FOXD3: variants seen among roughly 807,000 people sequenced by gnomAD.
FOXD3 encodes the protein forkhead box protein D3.
FOXD3 carries 3 observed loss-of-function variants against 3.6 expected under a neutral mutation model. That is an observed-to-expected ratio of 0.84 (90% CI 0.38 to 2.18). FOXD3 has a LOEUF of 2.18. FOXD3 is among the 30% of genes most tolerant of loss of function. The pLI is 0.06. For missense variants in FOXD3, 686 were observed against 731.6 expected (o/e 0.94, Z 0.72); for synonymous variants, 391 against 360.9 (o/e 1.08, Z -0.94).
Position 63,322,622 on chromosome 1 carries a change from C to G in FOXD3, c.-437C>G. ...TTCGGCGTCCCTGACACCCAGCCCCCTGCCCCCCCGCTACTGTCCCTGCCC... is the reference window on the plus strand; with the variant it reads ...TTCGGCGTCCCTGACACCCAGCCCCGTGCCCCCCCGCTACTGTCCCTGCCC... On this transcript the variant is annotated 5_prime_UTR_variant, in exon 1 of 1. Transcript: ENST00000371116. 12 of 950,784 alleles carry G rather than the reference C, an allele frequency of 1.3e-5. No individual in the cohort carries two copies. Among genetic ancestry groups the G allele is most frequent in the Non-Finnish European group, 1.5e-5 (12 of 798,262 alleles). 58.9% of individuals were successfully genotyped at this position (950,784 alleles called of 1,614,324 possible).
chr1:63,323,360 C>G lies in FOXD3; in HGVS notation c.302C>G (p.Ala101Gly). The change falls in exon 1 of 1, where the codon GCG becomes GGG. Residue 101 changes from alanine to glycine, a missense_variant. Coordinates refer to ENST00000371116, the MANE Select transcript of FOXD3 (RefSeq NM_012183.3). This position sits in a 1 kb window ranked among gnomAD's most constrained non-coding sequence, Gnocchi z 6.8. ...GPGGDVGAPE[A>G]DGCKGGVGGE... ...GGGGGCGACGTGGGCGCGCCGGAGG[C>G]GGACGGCTGCAAGGGCGGTGTTGGC... 7.4e-7 allele frequency: 1 copy of G among 1,347,396 alleles called. No homozygotes were observed. The highest frequency in any genetic ancestry group is 9.5e-7 in the Non-Finnish European group (1 of 1,051,732). The allele number at this position is 1,347,396 out of a possible 1,614,324, so 83.5% of individuals were successfully genotyped here.
In FOXD3 at chr1:63,323,867, C is replaced by A; in HGVS notation, c.809C>A (p.Pro270His). ...SLAAAAGAAG[P>H]YGRPYGLHPA... ...GCGGCGGCGGCCGGCGCCGCGGGAC[C>A]CTACGGCCGCCCCTACGGCCTGCAC... The change falls in exon 1 of 1, where the codon CCC becomes CAC. Residue 270 changes from proline (P) to histidine (H), a missense_variant. By Grantham distance (77) the Pro-to-His change is moderately conservative. Transcript: ENST00000371116. The surrounding 1 kb of genome is among the most constrained non-coding windows in gnomAD (Gnocchi z 6.8). 6.5e-7 allele frequency: 1 copy of A among 1,548,230 alleles called. No homozygotes were observed. Among genetic ancestry groups the A allele is most frequent in the Non-Finnish European group, 8.7e-7 (1 of 1,154,042 alleles).
Position 63,323,812 on chromosome 1 carries a change from A to C in FOXD3, c.754A>C (p.Met252Leu), listed in dbSNP as rs770035947. ...GCACCTGCGCGAGCAGACGGCGCTC[A>C]TGATGCAGAGCTTCGGCGCTTACAG... ...QEHLREQTALMMQSFGAYSLA... is the reference protein window; with the variant it reads ...QEHLREQTALLMQSFGAYSLA... The change falls in exon 1 of 1, where the codon ATG becomes CTG. Residue 252 changes from methionine to leucine, a missense_variant. Around this residue, in one of 3 missense-constraint regions of FOXD3, gnomAD observed 370 missense variants for 372.3 expected, o/e 0.99. Transcript: ENST00000371116. The surrounding 1 kb of genome is among the most constrained non-coding windows in gnomAD (Gnocchi z 6.8). 5.4e-6 allele frequency: 8 copies of C among 1,485,604 alleles called. No homozygotes were observed. Among genetic ancestry groups the C allele is most frequent in the Non-Finnish European group, 7.3e-6 (8 of 1,100,668 alleles). 92.0% of individuals were successfully genotyped at this position (1,485,604 alleles called of 1,614,324 possible). A position where few individuals can be genotyped will look rare whatever the true frequency, so the allele number is the denominator to read the frequency against.
Position 63,324,249 on chromosome 1 carries a change from C to G in FOXD3, c.1191C>G (p.Gly397=). The change falls in exon 1 of 1, where the codon GGC becomes GGG. Residue 397 remains glycine (G), a synonymous_variant. Transcript: ENST00000371116. The surrounding 1 kb of genome is among the most constrained non-coding windows in gnomAD (Gnocchi z 4.1). ...CGGCTCCTGGGGGCTCGGCGGTGGG[C>G]GCTGGGGTCGCCGGCGGCACTGGGG... The part of the protein sequence containing the change: ...GPAAPGGSAV[G]AGVAGGTGGS... 6.9e-7 allele frequency: 1 copy of G among 1,459,342 alleles called. No homozygotes were observed. Among genetic ancestry groups the G allele is most frequent in the Non-Finnish European group, 9.0e-7 (1 of 1,115,884 alleles). The allele number at this position is 1,459,342 out of a possible 1,614,324, so 90.4% of individuals were successfully genotyped here.
chr1:63,324,780 C>A lies in FOXD3; in HGVS notation c.*285C>A. On this transcript the variant is annotated 3_prime_UTR_variant, in exon 1 of 1. Coordinates refer to ENST00000371116, the MANE Select transcript of FOXD3 (RefSeq NM_012183.3). The surrounding 1 kb of genome is among the most constrained non-coding windows in gnomAD (Gnocchi z 4.1). ...CGAATTTTCCAAAAATGCACCCCGACGGCGCCTGCTCTTAGTACCGTGGGG... is the reference window on the plus strand; with the variant it reads ...CGAATTTTCCAAAAATGCACCCCGAAGGCGCCTGCTCTTAGTACCGTGGGG... The A allele has an allele frequency of 2.0e-6, 1 of 506,348 alleles. No individual in the cohort carries two copies. Among genetic ancestry groups the A allele is most frequent in the East Asian group, 3.9e-5 (1 of 25,794 alleles). The allele number at this position is 506,348 out of a possible 1,614,324, so 31.4% of individuals were successfully genotyped here.
Position 63,323,134 on chromosome 1 carries a change from G to C in FOXD3, c.76G>C (p.Asp26His). The change falls in exon 1 of 1, where the codon GAT becomes CAT. Residue 26 changes from aspartate to histidine, a missense_variant. Asp to His is a moderately conservative substitution (Grantham distance 81, BLOSUM62 -1). Coordinates refer to ENST00000371116, the MANE Select transcript of FOXD3 (RefSeq NM_012183.3). The surrounding 1 kb of genome is among the most constrained non-coding windows in gnomAD (Gnocchi z 6.8). ...TVLTAEDVDIDVVGEGDDGLE... is the reference protein window; with the variant it reads ...TVLTAEDVDIHVVGEGDDGLE... The stretch of plus-strand genomic sequence containing the variant: ...GCTGACGGCCGAGGACGTGGACATC[G>C]ATGTGGTGGGCGAGGGCGACGACGG... 6.4e-7 allele frequency: 1 copy of C among 1,571,698 alleles called. No homozygotes were observed. Among genetic ancestry groups the C allele is most frequent in the Non-Finnish European group, 8.6e-7 (1 of 1,160,816 alleles).
chr1:63,322,903 C>T lies in FOXD3; in HGVS notation c.-156C>T. 4 of 1,385,924 alleles carry T rather than the reference C, an allele frequency of 2.9e-6. No homozygotes were observed. Among genetic ancestry groups the T allele is most frequent in the Admixed American group, 3.4e-5 (1 of 29,382 alleles). 85.9% of individuals were successfully genotyped at this position (1,385,924 alleles called of 1,614,324 possible). ...GGGGCCGCCGAGTGTGAGCTGAGCC[C>T]AGCGGGCCCCAAGCCACCTGCGGCC... On this transcript the variant is annotated 5_prime_UTR_variant, in exon 1 of 1. Transcript: ENST00000371116.
In FOXD3 at chr1:63,324,609, A is replaced by C. The variant is rs1647061615; in HGVS notation, c.*114A>C. 5.2e-6 allele frequency: 4 copies of C among 764,134 alleles called. No homozygotes were observed. Among genetic ancestry groups the C allele is most frequent in the Non-Finnish European group, 8.5e-6 (4 of 470,024 alleles). The allele number at this position is 764,134 out of a possible 1,614,324, so 47.3% of individuals were successfully genotyped here. ...TCCCGGTCCCGCTGCCCAATCCTGG[A>C]CTCTGCCTCTCCCCAATTTCCTTTC... On this transcript the variant is annotated 3_prime_UTR_variant, in exon 1 of 1. Coordinates refer to ENST00000371116, the MANE Select transcript of FOXD3 (RefSeq NM_012183.3). This position sits in a 1 kb window ranked among gnomAD's most constrained non-coding sequence, Gnocchi z 4.1.
rs746549793 is a variant in FOXD3 at position 63,323,401 on chromosome 1, G to A, written c.343G>A (p.Ala115Thr). Reference sequence around the variant, plus strand: ...CGGTGTTGGCGGCGAGGAGGGCGGCGCGAGCGGCGGCGGGCCTGGCGCGGG... The same window carrying A: ...CGGTGTTGGCGGCGAGGAGGGCGGCACGAGCGGCGGCGGGCCTGGCGCGGG... ...KGGVGGEEGG[A>T]SGGGPGAGSG... Residue 115 changes from alanine to threonine, a missense_variant, in exon 1 of 1, where the codon GCG becomes ACG. Around this residue, in one of 3 missense-constraint regions of FOXD3, gnomAD observed 232 missense variants for 214.0 expected, o/e 1.08. Transcript: ENST00000371116. This position sits in a 1 kb window ranked among gnomAD's most constrained non-coding sequence, Gnocchi z 6.8. The A allele has an allele frequency of 2.8e-6, 4 of 1,449,254 alleles. No homozygotes were observed. In the South Asian group the frequency reaches 4.3e-5, roughly 16 times the overall value. 89.8% of individuals were successfully genotyped at this position (1,449,254 alleles called of 1,614,324 possible).
Position 63,323,989 on chromosome 1 carries a change from G to A in FOXD3, c.931G>A (p.Ala311Thr). The stretch of plus-strand genomic sequence containing the variant: ...GTACCCGTACGCGCTGCCGCCGGTG[G>A]CACCGGTGCTGCCTCCCGCTGTGCC... Reference protein sequence around the residue: ...LQYPYALPPVAPVLPPAVPLL... With the variant: ...LQYPYALPPVTPVLPPAVPLL... The change falls in exon 1 of 1, where the codon GCA becomes ACA. Residue 311 changes from alanine (A) to threonine (T), a missense_variant. Coordinates refer to ENST00000371116, the MANE Select transcript of FOXD3 (RefSeq NM_012183.3). This position sits in a 1 kb window ranked among gnomAD's most constrained non-coding sequence, Gnocchi z 6.8. 7.8e-7 allele frequency: 1 copy of A among 1,282,294 alleles called. No individual in the cohort carries two copies. The highest frequency in any genetic ancestry group is 2.6e-5 in the South Asian group (1 of 37,946). The allele number at this position is 1,282,294 out of a possible 1,614,324, so 79.4% of individuals were successfully genotyped here. A position where few individuals can be genotyped will look rare whatever the true frequency, so the allele number is the denominator to read the frequency against.
Position 63,322,780 on chromosome 1 carries a change from G to GAGCGGT in FOXD3, c.-274_-269dup. The GAGCGGT allele has an allele frequency of 1.0e-6, 1 of 985,320 alleles. No individual in the cohort carries two copies. The highest frequency in any genetic ancestry group is 1.2e-6 in the Non-Finnish European group (1 of 829,900). The allele number at this position is 985,320 out of a possible 1,614,324, so 61.0% of individuals were successfully genotyped here. ...CGGCGTGGAGAACCGCCGGGGCCGG[G>GAGCGGT]AGCGGTAGCGAGCGCCTAGTACCGA... On this transcript the variant is annotated 5_prime_UTR_variant, in exon 1 of 1. Transcript: ENST00000371116.
chr1:63,324,747 C>T lies in FOXD3; in HGVS notation c.*252C>T. ...GGGATAGCTTTCCATACAGGTAAAA[C>T]CGAAAACCGAATTTTCCAAAAATGC... On this transcript the variant is annotated 3_prime_UTR_variant, in exon 1 of 1. Coordinates refer to ENST00000371116, the MANE Select transcript of FOXD3 (RefSeq NM_012183.3). This position sits in a 1 kb window ranked among gnomAD's most constrained non-coding sequence, Gnocchi z 4.1. 3 of 539,926 alleles carry T rather than the reference C, an allele frequency of 5.6e-6. No homozygotes were observed. The highest frequency in any genetic ancestry group is 9.9e-6 in the Non-Finnish European group (3 of 302,894). 33.4% of individuals were successfully genotyped at this position (539,926 alleles called of 1,614,324 possible). A position where few individuals can be genotyped will look rare whatever the true frequency, so the allele number is the denominator to read the frequency against.
Position 63,324,458 on chromosome 1 carries a change from C to G in FOXD3, c.1400C>G (p.Ala467Gly). The G allele has an allele frequency of 3.9e-6, 6 of 1,537,218 alleles. No homozygotes were observed. Among genetic ancestry groups the G allele is most frequent in the Non-Finnish European group, 5.2e-6 (6 of 1,147,906 alleles). Reference protein sequence around the residue: ...LQPAASAAAAAAAAAQAKWPA... With the variant: ...LQPAASAAAAGAAAAQAKWPA... ...CCCGCAGCCTCGGCCGCCGCCGCTG[C>G]TGCGGCCGCCGCTCAAGCCAAATGG... Residue 467 changes from alanine (A) to glycine (G), a missense_variant, in exon 1 of 1, where the codon GCT becomes GGT. This residue lies in a region of FOXD3 where 370 missense variants were observed against 372.3 expected (regional missense o/e 0.99). Transcript: ENST00000371116. The surrounding 1 kb of genome is among the most constrained non-coding windows in gnomAD (Gnocchi z 4.1).
rs78645479 is a variant in FOXD3, at chr1:63,322,631, C to T, written c.-428C>T. 79,705 of 954,416 alleles carry T rather than the reference C, an allele frequency of 0.084. 3,524 individuals are homozygous for T. The highest frequency in any genetic ancestry group is 0.091 in the Non-Finnish European group (73,014 of 801,788). 59.1% of individuals were successfully genotyped at this position (954,416 alleles called of 1,614,324 possible). A position where few individuals can be genotyped will look rare whatever the true frequency, so the allele number is the denominator to read the frequency against. ...CCTGACACCCAGCCCCCTGCCCCCC[C>T]GCTACTGTCCCTGCCCGCGCCCTCC... On this transcript the variant is annotated 5_prime_UTR_variant, in exon 1 of 1. Transcript: ENST00000371116.
chr1:63,322,797 T>TTA lies in FOXD3; in HGVS notation c.-262_-261insTA. The TTA allele has an allele frequency of 1.0e-6, 1 of 985,238 alleles. No individual in the cohort carries two copies. Among genetic ancestry groups the TTA allele is most frequent in the South Asian group, 4.7e-5 (1 of 21,272 alleles). The allele number at this position is 985,238 out of a possible 1,614,324, so 61.0% of individuals were successfully genotyped here. A position where few individuals can be genotyped will look rare whatever the true frequency, so the allele number is the denominator to read the frequency against. On this transcript the variant is annotated 5_prime_UTR_variant, in exon 1 of 1. Coordinates refer to ENST00000371116, the MANE Select transcript of FOXD3 (RefSeq NM_012183.3). ...GGGGCCGGGAGCGGTAGCGAGCGCC[T>TTA]AGTACCGAGCGCCAGGGACGGCAGG... is the stretch of plus-strand genomic sequence containing the variant.
In FOXD3 at chr1:63,324,758, A is replaced by C; in HGVS notation, c.*263A>C. 1 of 526,040 alleles carries C rather than the reference A, an allele frequency of 1.9e-6. No individual in the cohort carries two copies. The allele number at this position is 526,040 out of a possible 1,614,324, so 32.6% of individuals were successfully genotyped here. A position where few individuals can be genotyped will look rare whatever the true frequency, so the allele number is the denominator to read the frequency against. On this transcript the variant is annotated 3_prime_UTR_variant, in exon 1 of 1. Transcript: ENST00000371116. The surrounding 1 kb of genome is among the most constrained non-coding windows in gnomAD (Gnocchi z 4.1). Reference sequence around the variant, plus strand: ...CCATACAGGTAAAACCGAAAACCGAATTTTCCAAAAATGCACCCCGACGGC... The same window carrying C: ...CCATACAGGTAAAACCGAAAACCGACTTTTCCAAAAATGCACCCCGACGGC...
In FOXD3 at chr1:63,322,619, C is replaced by T; in HGVS notation, c.-440C>T. The T allele has an allele frequency of 2.1e-6, 2 of 950,510 alleles. No homozygotes were observed. The highest frequency in any genetic ancestry group is 2.3e-4 in the East Asian group (2 of 8,622). 58.9% of individuals were successfully genotyped at this position (950,510 alleles called of 1,614,324 possible). ...GGCTTCGGCGTCCCTGACACCCAGCCCCCTGCCCCCCCGCTACTGTCCCTG... is the reference window on the plus strand; with the variant it reads ...GGCTTCGGCGTCCCTGACACCCAGCTCCCTGCCCCCCCGCTACTGTCCCTG... On this transcript the variant is annotated 5_prime_UTR_variant, in exon 1 of 1. Coordinates refer to ENST00000371116, the MANE Select transcript of FOXD3 (RefSeq NM_012183.3).
In FOXD3 at chr1:63,323,219, G is replaced by T. The variant is rs199958231; in HGVS notation, c.161G>T (p.Arg54Leu). ...AGCCCCGCGGGGCCGCCGGAGCTGC[G>T]CCTGGACGAGGCGGACGAGGTGCCC... ...CDSPAGPPEL[R>L]LDEADEVPPA... Residue 54 changes from arginine to leucine, a missense_variant, in exon 1 of 1, where the codon CGC becomes CTC. This residue lies in a region of FOXD3 where 232 missense variants were observed against 214.0 expected (regional missense o/e 1.08). Transcript: ENST00000371116. The surrounding 1 kb of genome is among the most constrained non-coding windows in gnomAD (Gnocchi z 6.8). 2.4e-5 allele frequency: 37 copies of T among 1,532,528 alleles called. No homozygotes were observed. The Admixed American group carries it at 4.6e-4, about 19-fold the overall frequency. 94.9% of individuals were successfully genotyped at this position (1,532,528 alleles called of 1,614,324 possible).
Position 63,324,079 on chromosome 1 carries a change from C to A in FOXD3, c.1021C>A (p.Leu341Met). ...CTTCGGCTCACAGCTCGGCCCGGGC[C>A]TGCAGCTGCAGCTCAATAGCCTGGG... Reference protein sequence around the residue: ...AAFGSQLGPGLQLQLNSLGAA... With the variant: ...AAFGSQLGPGMQLQLNSLGAA... The change falls in exon 1 of 1, where the codon CTG becomes ATG. Residue 341 changes from leucine (L) to methionine (M), a missense_variant. Leu to Met is a conservative substitution (Grantham distance 15, BLOSUM62 2). Coordinates refer to ENST00000371116, the MANE Select transcript of FOXD3 (RefSeq NM_012183.3). This position sits in a 1 kb window ranked among gnomAD's most constrained non-coding sequence, Gnocchi z 4.1. 1 of 1,421,544 alleles carries A rather than the reference C, an allele frequency of 7.0e-7. No homozygotes were observed. Among genetic ancestry groups the A allele is most frequent in the Non-Finnish European group, 9.1e-7 (1 of 1,100,138 alleles). The allele number at this position is 1,421,544 out of a possible 1,614,324, so 88.1% of individuals were successfully genotyped here.
Sources: allele counts gnomAD v4.1 joint callset, GRCh38; gene constraint gnomAD v4.1.1; regional missense constraint gnomAD v4.1.1; non-coding constraint Gnocchi (gnomAD v3.1); transcripts MANE v1.5; gene names NCBI Gene and HGNC (gene_info 2026-07-23, HGNC 2026-07-21).